Variants in VPS37A observed in about 807,000 individuals in gnomAD.
The protein encoded by VPS37A is VPS37A subunit of ESCRT-I.
In VPS37A, 30 loss-of-function variants were observed where a neutral mutation model predicts 49.8. The ratio of observed to expected loss-of-function variants is 0.60; its 90% CI spans 0.45 to 0.82. VPS37A has a LOEUF of 0.82. Ranked by LOEUF, VPS37A falls within the 40% of genes least tolerant of loss-of-function variation. The pLI is 0.00. For synonymous variants in VPS37A, 195 were observed against 160.6 expected, an observed-to-expected ratio of 1.21 and a Z score of -1.62; for missense variants, 593 against 464.4, an observed-to-expected ratio of 1.28 and a Z score of -2.55.
At chr8:17,307,254 A>G (rs1249364464), downstream of VPS37A, among the ~76,000 whole-genome samples, 1 of 152,252 alleles carries the variant, frequency 6.6e-6, no homozygotes, top group African/African-American at 2.4e-5. Context: ...TCAAAAGAAG[A>G]CATTTATGCA....
downstream of VPS37A, among the ~76,000 whole-genome samples, chr8:17,304,746 CGTGTGT>C (rs10527892): frequency 2.5e-3 from 373 of 147,084 alleles, no homozygotes; most frequent in Non-Finnish European, 3.8e-3. Flanking sequence ...GTGTTCGATT[CGTGTGT>C]GTGTGTGTGT....
At chr8:17,325,729 C>T in the VPS37A span, among the ~76,000 whole-genome samples, 9 of 152,080 alleles carry the variant, frequency 5.9e-5, no homozygotes, top group Non-Finnish European at 1.2e-4. Flanking sequence ...GATGAACGTG[C>T]GCTGATTGCA....
intron 11 of VPS37A, among the ~76,000 whole-genome samples, chr8:17,289,923 C>G (rs957211552): frequency 6.6e-6 from 1 of 152,122 alleles, no homozygotes; most frequent in South Asian, 2.1e-4. Flanking sequence ...CTTCATATCC[C>G]TTGTAAGTTG....
intron 1 of VPS37A, among the ~76,000 whole-genome samples, chr8:17,251,449 G>C (rs889087620): frequency 7.9e-5 from 12 of 152,180 alleles, no homozygotes; most frequent in African/African-American, 2.4e-4. Flanking sequence ...CACATAGTAG[G>C]CATAGGACGA....
At chr8:17,248,882 A>G (rs963889947) in intron 1 of VPS37A, among the ~76,000 whole-genome samples, 9 of 152,188 alleles carry the variant, frequency 5.9e-5, no homozygotes, top group East Asian at 1.9e-4. Flanking sequence ...TAAGTTCGCA[A>G]AGTTCTTACA....
the VPS37A span, among the ~76,000 whole-genome samples, chr8:17,308,182 A>C: frequency 6.6e-6 from 1 of 152,182 alleles, no homozygotes; most frequent in African/African-American, 2.4e-5. Flanking sequence ...AATCAAAAAA[A>C]AAAGGTTGCC....
chr8:17,286,053 A>G (rs1815555953), intron 10 of VPS37A, among the ~76,000 whole-genome samples: 1 of 152,154 alleles, frequency 6.6e-6, no homozygotes, highest in South Asian at 2.1e-4. Context: ...GGAGTGGATT[A>G]TGAGAAGGGA....
the VPS37A span, among the ~76,000 whole-genome samples, chr8:17,316,745 T>C: frequency 3.3e-5 from 5 of 152,242 alleles, no homozygotes; most frequent in Non-Finnish European, 5.9e-5. Flanking sequence ...GTATTAAGTA[T>C]TGCAAGTAAT....
chr8:17,326,638 C>T, the VPS37A span: 1 of 152,206 alleles, frequency 6.6e-6, no homozygotes, highest in Non-Finnish European at 1.5e-5. Flanking sequence ...GAGGCACTCC[C>T]ACTGGCCTTG....
chr8:17,326,402 T>A, the VPS37A span: 2 of 152,164 alleles, frequency 1.3e-5, no homozygotes, highest in Non-Finnish European at 2.9e-5. Flanking sequence ...CATAAACGTA[T>A]CTTCATTACG....
At chr8:17,275,026 C>T in intron 5 of VPS37A, 68 bp downstream of exon 5, 2 of 1,408,336 alleles carry the variant, frequency 1.4e-6, no homozygotes, top group Admixed American at 1.8e-5. Context: ...ACCTTTATTA[C>T]ATGCCTCTGT....
intron 1 of VPS37A, among the ~76,000 whole-genome samples, chr8:17,258,358 G>T (rs998933851): frequency 1.3e-5 from 2 of 152,030 alleles, no homozygotes; most frequent in Non-Finnish European, 2.9e-5. Context: ...AATCACAAAG[G>T]ATTTTATTGA....
chr8:17,304,768 T>TGTGTGTGTGTGTGTGTGTGTGTGTGTGTG (rs1563315402), downstream of VPS37A, among the ~76,000 whole-genome samples: 11 of 147,516 alleles, frequency 7.5e-5, no homozygotes, highest in African/African-American at 2.7e-4. Flanking sequence ...TGTGTGTGTG[T>TGTGTGTGTGTGTGTGTGTGTGTGTGTGTG]TAAGCTGTTC....
chr8:17,293,701 C>A (rs1816350826), intron 11 of VPS37A, among the ~76,000 whole-genome samples: 1 of 152,178 alleles, frequency 6.6e-6, no homozygotes, highest in African/African-American at 2.4e-5. Context: ...GTCTTTCTAA[C>A]AAGCCCCTCT....
At chr8:17,247,742 A>C in intron 1 of VPS37A, 1 of 702,672 alleles carries the variant, frequency 1.4e-6, no homozygotes, top group Non-Finnish European at 2.6e-6. Context: ...AATTGTTAAA[A>C]TACAATTGTG....
At chr8:17,253,901 C>A (rs908733318) in intron 1 of VPS37A, among the ~76,000 whole-genome samples, 1 of 152,142 alleles carries the variant, frequency 6.6e-6, no homozygotes, top group Non-Finnish European at 1.5e-5. Context: ...AAGGATTTTC[C>A]AAACAACACT....
intron 2 of VPS37A, 46 bp downstream of exon 2, chr8:17,266,027 GT>G (rs774075708): frequency 4.0e-6 from 6 of 1,516,498 alleles, no homozygotes; most frequent in African/African-American, 1.4e-5. Context: ...GGACTTAACA[GT>G]TTTTTTATTG....
At chr8:17,317,695 C>A in the VPS37A span, among the ~76,000 whole-genome samples, 14 of 152,268 alleles carry the variant, frequency 9.2e-5, no homozygotes, top group Admixed American at 7.2e-4. Context: ...GGCTACTACT[C>A]GTTTCAGAGA....
rs138128707 is a variant in VPS37A, at chr8:17,288,761, A to G, written c.*2334A>G. Among the ~76,000 whole-genome samples the G allele has an allele frequency of 1.3e-4, 20 of 152,278 alleles. 1 individual carries two copies. In the East Asian group the frequency reaches 3.7e-3, roughly 28 times the overall value. On this transcript the variant is annotated intron_variant, in intron 11 of 11. Coordinates refer to ENST00000324849, the MANE Select transcript of VPS37A (RefSeq NM_152415.3). ...AGTAGTGGGATCTGGGTCAAATGGT[A>G]TTTCTAGTTCTAGATCCTTGAGGAA...
Sources: gnomAD v4.1 joint callset for allele counts (sites outside exome capture counted in the v4.1 genomes callset) on GRCh38, gnomAD v4.1.1 for gene constraint, MANE v1.5 for transcripts, NCBI Gene and HGNC (gene_info 2026-07-23, HGNC 2026-07-21) for gene names.